Variants in ITGB3 observed in about 807,000 individuals in gnomAD.
The protein encoded by ITGB3 is integrin subunit beta 3.
In ITGB3, 48 loss-of-function variants were observed where a neutral mutation model predicts 85.8. The ratio of observed to expected loss-of-function variants is 0.56; its 90% CI spans 0.44 to 0.71. The LOEUF is 0.71. Ranked by LOEUF, ITGB3 falls within the 30% of genes least tolerant of loss-of-function variation. ITGB3 has a pLI of 0.00. For missense variants in ITGB3, 861 were observed against 1,019.1 expected (o/e 0.84, Z 2.11); for synonymous variants, 363 against 395.6 (o/e 0.92, Z 0.98).
intron 1 of ITGB3, among the ~76,000 whole-genome samples, chr17:47,264,058 T>C (rs2143040789): frequency 6.6e-6 from 1 of 152,322 alleles, no homozygotes; most frequent in East Asian, 1.9e-4. Flanking sequence ...GAGGTCCACT[T>C]ATGCAAATGA....
At chr17:47,300,346 C>CGCGT (rs377375532) in intron 11 of ITGB3, 132 bp from the exon 12 acceptor site, 192 of 619,798 alleles carry the variant, frequency 3.1e-4, no homozygotes, top group Middle Eastern at 8.4e-4. Flanking sequence ...CGCGCGCGCG[C>CGCGT]GTGTGTGTGT....
intron 9 of ITGB3, 84 bp downstream of exon 9, chr17:47,291,172 G>C: frequency 1.9e-6 from 3 of 1,544,316 alleles, no homozygotes; most frequent in Non-Finnish European, 1.8e-6. Context: ...GACTAAAAAT[G>C]GCCCCCTTCC....
intron 4 of ITGB3, among the ~76,000 whole-genome samples, chr17:47,285,862 G>A (rs542658805): frequency 1.3e-4 from 20 of 152,282 alleles, no homozygotes; most frequent in African/African-American, 4.1e-4. Flanking sequence ...ATAGCAACTC[G>A]AGCCTCGCTC....
chr17:47,306,243 C>T (rs1490508463), intron 13 of ITGB3, among the ~76,000 whole-genome samples: 1 of 152,162 alleles, frequency 6.6e-6, no homozygotes, highest in African/African-American at 2.4e-5. Context: ...TGCTGCTCTG[C>T]AGGAATATAA....
At position 47,292,130 on chromosome 17, in the gene ITGB3, T is replaced by C. The variant is rs1252483394; in HGVS notation, c.1261-9T>C. ...ACTGTGTCTAAATACAATCTTTCTT[T>C]CCATCCAGGTGAGCTTCAGCATTGA... On this transcript the variant is annotated splice_polypyrimidine_tract_variant and intron_variant, in intron 9 of 14. Transcript: ENST00000559488. 5 of 1,614,024 alleles carry C rather than the reference T, an allele frequency of 3.1e-6. No individual in the cohort carries two copies. Among genetic ancestry groups the C allele is most frequent in the Non-Finnish European group, 4.2e-6 (5 of 1,179,898 alleles).
chr17:47,276,190 AG>A (rs1415647291), intron 2 of ITGB3, among the ~76,000 whole-genome samples: 1 of 152,122 alleles, frequency 6.6e-6, no homozygotes, highest in African/African-American at 2.4e-5. Flanking sequence ...GAGAAAATGC[AG>A]GTATCTCTGG....
rs1027273079 is a variant in ITGB3 at position 47,286,243 on chromosome 17, C to T, written c.615-17C>T. On this transcript the variant is annotated splice_polypyrimidine_tract_variant and intron_variant, in intron 4 of 14. Transcript: ENST00000559488. ...CCATGAAGGTGTCTGCTTAAATTAT[C>T]TCCCATCCCTCCCCAGTATGAAGAC... is the stretch of plus-strand genomic sequence containing the variant. 6.2e-6 allele frequency: 10 copies of T among 1,614,064 alleles called. No homozygotes were observed. In the South Asian group the frequency reaches 7.7e-5, roughly 12 times the overall value.
chr17:47,261,519 CTTTTTT>C (rs71365061), intron 1 of ITGB3, among the ~76,000 whole-genome samples: 1 of 128,060 alleles, frequency 7.8e-6, no homozygotes, highest in African/African-American at 2.9e-5. Context: ...GGATCATTGT[CTTTTTT>C]TTTTTTTTTT....
Position 47,274,466 on chromosome 17 carries a change from C to T in ITGB3, c.127C>T (p.Leu43=). 1 of 1,613,922 alleles carries T rather than the reference C, an allele frequency of 6.2e-7. No individual in the cohort carries two copies. Among genetic ancestry groups the T allele is most frequent in the South Asian group, 1.1e-5 (1 of 91,076 alleles). ...TRGVSSCQQC[L]AVSPMCAWCS... is the part of the protein sequence containing the mutation. Reference sequence around the variant, plus strand: ...AGGTGTGAGCTCCTGCCAGCAGTGCCTGGCTGTGAGCCCCATGTGTGCCTG... The same window carrying T: ...AGGTGTGAGCTCCTGCCAGCAGTGCTTGGCTGTGAGCCCCATGTGTGCCTG... The change falls in exon 2 of 15, where the codon CTG becomes TTG. Residue 43 remains leucine, a synonymous_variant. Transcript: ENST00000559488.
chr17:47,274,818 A>T (rs75348513), intron 2 of ITGB3, among the ~76,000 whole-genome samples: 2,666 of 152,126 alleles, frequency 0.018, 72 homozygotes, highest in African/African-American at 0.06. Context: ...AGTTTATTTT[A>T]AATTTTTTGG....
rs73985153 is a variant in ITGB3 at position 47,307,690 on chromosome 17, T to G, written c.2301+53T>G. 5.7e-4 allele frequency: 887 copies of G among 1,561,470 alleles called. 5 individuals carry two copies. The African/African-American group carries it at 9.9e-3, about 18-fold the overall frequency. On this transcript the variant is annotated intron_variant, in intron 14 of 14. Transcript: ENST00000559488. ...AAGTCATTGGTCTGAGACTCTTAAG[T>G]GGAAGCAGCAGATGCTTTGGGTGGT...
chr17:47,313,418 C>G lies in ITGB3; in HGVS notation c.*3214C>G, dbSNP rs562861133. Among the ~76,000 whole-genome samples the G allele has an allele frequency of 7.1e-6, 1 of 140,552 alleles. No individual in the cohort carries two copies. Among genetic ancestry groups the G allele is most frequent in the African/African-American group, 2.7e-5 (1 of 37,518 alleles). The allele number at this position is 140,552 out of a possible 152,430, so 92.2% of individuals were successfully genotyped here. On this transcript the variant is annotated 3_prime_UTR_variant, in exon 15 of 15. Coordinates refer to ENST00000559488, the MANE Select transcript of ITGB3 (RefSeq NM_000212.3). ...CTGGAGTGCAGTGGCACGATCTCTGCTCACTGCAAGCTTCGCCTCCCGGGT... is the reference window on the plus strand; with the variant it reads ...CTGGAGTGCAGTGGCACGATCTCTGGTCACTGCAAGCTTCGCCTCCCGGGT...
At chr17:47,305,785 A>C (rs1449213605) in intron 13 of ITGB3, 2 of 152,244 alleles carry the variant, frequency 1.3e-5, no homozygotes, top group African/African-American at 4.8e-5. Context: ...AACAGACACA[A>C]ATACTTACAG....
rs1251804937 is a variant in ITGB3 at position 47,299,571 on chromosome 17, A to G, written c.1913+41A>G. 1.9e-6 allele frequency: 3 copies of G among 1,571,048 alleles called. No individual in the cohort carries two copies. The highest frequency in any genetic ancestry group is 1.7e-6 in the Non-Finnish European group (2 of 1,143,872). ...GGAGAGAGCCGGGAGGCTGGGAGGT[A>G]GGAGAGGATCCCCTGACTAGAATCC... On this transcript the variant is annotated intron_variant, in intron 11 of 14. Coordinates refer to ENST00000559488, the MANE Select transcript of ITGB3 (RefSeq NM_000212.3). The surrounding 1 kb of genome is among the most constrained non-coding windows in gnomAD (Gnocchi z 5.1).
intron 1 of ITGB3, 36 bp downstream of exon 1, chr17:47,253,976 C>A: frequency 1.5e-6 from 2 of 1,299,036 alleles, no homozygotes; most frequent in South Asian, 1.6e-5. Flanking sequence ...GTCGCAGCTG[C>A]CCCAGGATCT....
chr17:47,278,570 C>T (rs1204801380), intron 2 of ITGB3, among the ~76,000 whole-genome samples: 3 of 146,742 alleles, frequency 2.0e-5, no homozygotes, highest in East Asian at 4.1e-4. Context: ...GCAACAAGAG[C>T]GAAACTCCAT....
rs200536313 is a variant in ITGB3, at chr17:47,288,206, AAGAGAGAGAG to A, written c.939+1001_939+1010del. On this transcript the variant is annotated intron_variant, in intron 6 of 14. Transcript: ENST00000559488. Reference sequence around the variant, plus strand: ...CCTAGTGGAGACCCCTTCTCTTAGAAAGAGAGAGAGAGAGAGAGAGAGAGAGAGAGAGAGA... The same window carrying A: ...CCTAGTGGAGACCCCTTCTCTTAGAAAGAGAGAGAGAGAGAGAGAGAGAGA... Among the ~76,000 whole-genome samples the A allele has an allele frequency of 1.7e-3, 223 of 134,922 alleles. 2 individuals carry two copies. The highest frequency in any genetic ancestry group is 8.4e-3 in the South Asian group (33 of 3,916). 88.5% of individuals were successfully genotyped at this position (134,922 alleles called of 152,430 possible). A position where few individuals can be genotyped will look rare whatever the true frequency, so the allele number is the denominator to read the frequency against.
rs1263980212 is a variant in ITGB3 at position 47,307,524 on chromosome 17, A to T, written c.2188A>T (p.Ile730Phe). 1 of 1,614,178 alleles carries T rather than the reference A, an allele frequency of 6.2e-7. No individual in the cohort carries two copies. Among genetic ancestry groups the T allele is most frequent in the Non-Finnish European group, 8.5e-7 (1 of 1,180,040 alleles). ...GGTCCTGCTCTCAGTGATGGGGGCC[A>T]TTCTGCTCATTGGCCTTGCCGCCCT... ...LVVLLSVMGA[I>F]LLIGLAALLI... Residue 730 changes from isoleucine (I) to phenylalanine (F), a missense_variant, in exon 14 of 15, where the codon ATT becomes TTT. Physicochemically the swap from Ile to Phe is conservative, Grantham distance 21 (BLOSUM62 0). Transcript: ENST00000559488.
chr17:47,254,613 ATC>A (rs1441747620), intron 1 of ITGB3, among the ~76,000 whole-genome samples: 2 of 151,832 alleles, frequency 1.3e-5, no homozygotes, highest in African/African-American at 4.8e-5. Context: ...CACCCGAAAA[ATC>A]TCTAGTGTAT....
Sources: gnomAD v4.1 joint callset for allele counts (sites outside exome capture counted in the v4.1 genomes callset) on GRCh38, gnomAD v4.1.1 for gene constraint, Gnocchi (gnomAD v3.1) non-coding constraint, MANE v1.5 for transcripts, NCBI Gene and HGNC (gene_info 2026-07-23, HGNC 2026-07-21) for gene names.